Variants in ADAMTS16 observed in about 807,000 individuals in gnomAD.
ADAMTS16 encodes A disintegrin and metalloproteinase with thrombospondin motifs 16.
In ADAMTS16, 94 loss-of-function variants were observed where a neutral mutation model predicts 145.8. That is an observed-to-expected ratio of 0.64 (90% CI 0.55 to 0.77). The LOEUF (loss-of-function observed/expected upper bound fraction) is 0.77, where lower values mean the gene tolerates loss of function less well. Among genes scored for constraint, ADAMTS16 ranks in the 30% least tolerant of loss-of-function variants. ADAMTS16 has a pLI of 0.00. For missense variants in ADAMTS16, 1,585 were observed against 1,591.5 expected (o/e 1.00, Z 0.07); for synonymous variants, 659 against 604.3 (o/e 1.09, Z -1.33).
intron 18 of ADAMTS16, among the ~76,000 whole-genome samples, chr5:5,293,172 T>C (rs76030137): frequency 8.7e-4 from 132 of 152,316 alleles, no homozygotes; most frequent in Middle Eastern, 3.4e-3. Flanking sequence ...TTTTAGTTTA[T>C]GAGATGTAAT....
At chr5:5,140,990 A>G (rs1734152060) in intron 2 of ADAMTS16, among the ~76,000 whole-genome samples, 1 of 152,014 alleles carries the variant, frequency 6.6e-6, no homozygotes, top group Admixed American at 6.6e-5. Flanking sequence ...TGCCAGAGTT[A>G]TTGATATAAC....
At chr5:5,285,261 G>GTTA (rs1739063410) in intron 18 of ADAMTS16, among the ~76,000 whole-genome samples, 1 of 152,210 alleles carries the variant, frequency 6.6e-6, no homozygotes, top group Admixed American at 6.5e-5. Flanking sequence ...CAACAGAAGC[G>GTTA]TTATTTCTCT....
chr5:5,245,885 G>A (rs888009076), intron 17 of ADAMTS16, among the ~76,000 whole-genome samples: 3 of 151,984 alleles, frequency 2.0e-5, no homozygotes, highest in Admixed American at 2.0e-4. Flanking sequence ...TGACATAACT[G>A]CATTTTTTAA....
At chr5:5,233,918 C>T (rs1737015429) in intron 12 of ADAMTS16, among the ~76,000 whole-genome samples, 1 of 152,200 alleles carries the variant, frequency 6.6e-6, no homozygotes, top group South Asian at 2.1e-4. Context: ...GTAATTGCCA[C>T]ACTGTCTTCC....
chr5:5,197,759 CT>C (rs1735846067), intron 8 of ADAMTS16, among the ~76,000 whole-genome samples: 1 of 152,124 alleles, frequency 6.6e-6, no homozygotes, highest in Non-Finnish European at 1.5e-5. Flanking sequence ...CTGTGTGCTA[CT>C]TTTTTATGCT....
At position 5,297,827 on chromosome 5, in the gene ADAMTS16, G is replaced by A. The variant is rs185038139; in HGVS notation, c.2790-5441G>A. 3.9e-3 allele frequency among the ~76,000 whole-genome samples: 601 copies of A among 152,356 alleles called. 5 individuals are homozygous for A. The highest frequency in any genetic ancestry group is 0.013 in the African/African-American group (524 of 41,588). ...GCAAAGAAATCCTGCATTTAGAGGT[G>A]AAAACAATTCAGTGTCTGTGTCTGG... On this transcript the variant is annotated intron_variant, in intron 18 of 22. Transcript: ENST00000274181.
At chr5:5,191,868 C>A in intron 8 of ADAMTS16, 78 bp downstream of exon 8, 2 of 1,061,026 alleles carry the variant, frequency 1.9e-6, no homozygotes, top group Non-Finnish European at 2.8e-6. Context: ...ATTGACTCAT[C>A]AAGTCAAGTC....
At chr5:5,167,741 C>T (rs532458493) in intron 3 of ADAMTS16, among the ~76,000 whole-genome samples, 3 of 152,354 alleles carry the variant, frequency 2.0e-5, no homozygotes, top group East Asian at 3.9e-4. Context: ...GTTCCAGAGC[C>T]TTGCTCTCCA....
intron 3 of ADAMTS16, among the ~76,000 whole-genome samples, chr5:5,173,259 T>C (rs752550603): frequency 2.7e-4 from 41 of 151,998 alleles, no homozygotes; most frequent in Non-Finnish European, 5.6e-4. Flanking sequence ...AATTTTATTA[T>C]TGATAAGTAA....
At chr5:5,260,316 A>G (rs1049629394) in intron 17 of ADAMTS16, among the ~76,000 whole-genome samples, 13 of 152,256 alleles carry the variant, frequency 8.5e-5, no homozygotes, top group Non-Finnish European at 2.9e-5. Flanking sequence ...CAGAGTTTAA[A>G]TCTTGTTCTT....
chr5:5,186,395 G>A (rs1735500495), intron 5 of ADAMTS16, 144 bp downstream of exon 5: 9 of 796,256 alleles, frequency 1.1e-5, no homozygotes, highest in Non-Finnish European at 1.8e-5. Flanking sequence ...TTTTATTGGT[G>A]ATAACTCATT....
At chr5:5,189,788 T>C (rs935825299) in intron 6 of ADAMTS16, among the ~76,000 whole-genome samples, 183 bp from the exon 7 acceptor site, 5 of 152,244 alleles carry the variant, frequency 3.3e-5, no homozygotes, top group African/African-American at 9.6e-5. Context: ...CGTGCCTAAG[T>C]GTGTACACTG....
At chr5:5,204,003 T>C (rs549265438) in intron 9 of ADAMTS16, among the ~76,000 whole-genome samples, 6 of 152,272 alleles carry the variant, frequency 3.9e-5, no homozygotes, top group Non-Finnish European at 2.9e-5. Flanking sequence ...GATACAAAGC[T>C]CATCTTAAAT....
chr5:5,244,569 A>G (rs1737385130), intron 17 of ADAMTS16, among the ~76,000 whole-genome samples: 1 of 152,192 alleles, frequency 6.6e-6, no homozygotes, highest in African/African-American at 2.4e-5. Flanking sequence ...CCTGGAAGCA[A>G]TCCTTATTAT....
At chr5:5,210,202 T>G (rs7704912) in intron 10 of ADAMTS16, among the ~76,000 whole-genome samples, 77,004 of 151,878 alleles carry the variant, frequency 0.51, 20,846 homozygotes, top group East Asian at 0.75. Context: ...ATTTTTTTTT[T>G]AGTGTTACTC....
At chr5:5,181,671 A>G (rs1735342721) in intron 3 of ADAMTS16, among the ~76,000 whole-genome samples, 1 of 152,228 alleles carries the variant, frequency 6.6e-6, no homozygotes, top group South Asian at 2.1e-4. Flanking sequence ...GAGACCCCTC[A>G]CCAATATGAA....
chr5:5,193,865 C>T (rs1735729812), intron 8 of ADAMTS16, among the ~76,000 whole-genome samples: 1 of 152,098 alleles, frequency 6.6e-6, no homozygotes, highest in South Asian at 2.1e-4. Flanking sequence ...CTTTGAAAGG[C>T]TGAGGTGGGA....
chr5:5,305,010 ACACCACACACACACACACACATCC>A, intron 20 of ADAMTS16, among the ~76,000 whole-genome samples: 1 of 68,168 alleles, frequency 1.5e-5, no homozygotes, highest in African/African-American at 5.9e-5. Context: ...CACACATCCC[ACACCACACACACACACACACATCC>A]ATCCCACACC....
intron 3 of ADAMTS16, among the ~76,000 whole-genome samples, chr5:5,151,213 C>CTTTT (rs1553985896): frequency 4.2e-5 from 6 of 143,624 alleles, no homozygotes; most frequent in Non-Finnish European, 7.6e-5. Context: ...TATTTCTTTT[C>CTTTT]TCTTATTTAT....
Sources: allele counts gnomAD v4.1 joint callset (sites outside exome capture counted in the v4.1 genomes callset), GRCh38; gene constraint gnomAD v4.1.1; transcripts MANE v1.5; gene names NCBI Gene and HGNC (gene_info 2026-07-23, HGNC 2026-07-21).